The following TMTC2 variants were observed in gnomAD, a reference collection of about 807,000 sequenced individuals.
The protein encoded by TMTC2 is transmembrane O-mannosyltransferase targeting cadherins 2.
Under a neutral mutation model 82.4 loss-of-function variants are expected in TMTC2, and 43 were observed. The ratio of observed to expected loss-of-function variants is 0.52; its 90% CI spans 0.41 to 0.67. The LOEUF (loss-of-function observed/expected upper bound fraction) is 0.67. Ranked by LOEUF, TMTC2 falls within the 30% of genes least tolerant of loss-of-function variation. The probability of loss-of-function intolerance (pLI) is 0.00; values close to 1 mark genes in which losing one functional copy is unlikely to be tolerated. For synonymous variants in TMTC2, 408 were observed against 381.9 expected, an observed-to-expected ratio of 1.07 and a Z score of -0.80; for missense variants, 919 against 1,012.4, an observed-to-expected ratio of 0.91 and a Z score of 1.25.
intron 1 of TMTC2, among the ~76,000 whole-genome samples, chr12:82,832,152 C>T (rs74655538): frequency 0.012 from 1,814 of 152,204 alleles, 39 homozygotes; most frequent in African/African-American, 0.042. Context: ...TTTCTTTTCA[C>T]GGACTCAAAC....
intron 1 of TMTC2, among the ~76,000 whole-genome samples, chr12:82,735,670 G>A (rs1177622689): frequency 1.4e-5 from 2 of 141,978 alleles, no homozygotes; most frequent in African/African-American, 5.0e-5. Flanking sequence ...TTTTAAAGAT[G>A]TATTCATTTA....
At chr12:82,897,826 A>G (rs1416205567) in intron 3 of TMTC2, among the ~76,000 whole-genome samples, 4 of 152,050 alleles carry the variant, frequency 2.6e-5, no homozygotes, top group Non-Finnish European at 5.9e-5. Flanking sequence ...CACCTGGCCT[A>G]TTTTTATTCT....
intron 1 of TMTC2, among the ~76,000 whole-genome samples, chr12:82,789,614 A>C (rs1009527260): frequency 6.6e-6 from 1 of 152,180 alleles, no homozygotes; most frequent in Non-Finnish European, 1.5e-5. Flanking sequence ...ATTCTGATTC[A>C]TGTTCACCTC....
At chr12:82,877,834 A>G (rs1872653448) in intron 2 of TMTC2, among the ~76,000 whole-genome samples, 1 of 152,184 alleles carries the variant, frequency 6.6e-6, no homozygotes. Flanking sequence ...AGTACCCAGT[A>G]GAAGAAAAAA....
At chr12:82,845,226 C>CAAAAAAAAA (rs66859423) in intron 1 of TMTC2, among the ~76,000 whole-genome samples, 2 of 45,562 alleles carry the variant, frequency 4.4e-5, no homozygotes, top group African/African-American at 1.0e-4. Flanking sequence ...GTGACTGTCT[C>CAAAAAAAAA]AAAAAAAAAA....
At chr12:83,056,375 G>C (rs1408184090) in intron 10 of TMTC2, among the ~76,000 whole-genome samples, 1 of 151,722 alleles carries the variant, frequency 6.6e-6, no homozygotes, top group East Asian at 1.9e-4. Flanking sequence ...CATACCAACT[G>C]GTTCTAATTT....
chr12:82,836,121 C>T (rs939253786), intron 1 of TMTC2, among the ~76,000 whole-genome samples: 39 of 149,162 alleles, frequency 2.6e-4, no homozygotes, highest in African/African-American at 9.6e-4. Flanking sequence ...GTTGAAACTT[C>T]GTAATGCCTC....
chr12:82,708,531 A>G (rs1484590007), intron 1 of TMTC2, among the ~76,000 whole-genome samples: 1 of 152,208 alleles, frequency 6.6e-6, no homozygotes, highest in African/African-American at 2.4e-5. Flanking sequence ...GTTTTGTCCC[A>G]ACTAATCCTA....
intron 11 of TMTC2, among the ~76,000 whole-genome samples, chr12:83,110,597 AATTTT>A (rs1884568004): frequency 6.6e-6 from 1 of 152,164 alleles, no homozygotes; most frequent in African/African-American, 2.4e-5. Context: ...TCTCAGTTCT[AATTTT>A]ATTTGTCCTG....
chr12:82,757,134 G>A (rs1340952518), intron 1 of TMTC2, among the ~76,000 whole-genome samples: 1 of 152,122 alleles, frequency 6.6e-6, no homozygotes, highest in Non-Finnish European at 1.5e-5. Flanking sequence ...AAAGTAAGTG[G>A]ATCCTGTTTT....
At chr12:82,870,545 A>G (rs2063182942) in intron 2 of TMTC2, among the ~76,000 whole-genome samples, 1 of 152,196 alleles carries the variant, frequency 6.6e-6, no homozygotes, top group African/African-American at 2.4e-5. Flanking sequence ...CCTTCTTTCA[A>G]TTCTACACAG....
At chr12:83,069,919 A>G (rs551632796) in intron 11 of TMTC2, among the ~76,000 whole-genome samples, 39 of 152,150 alleles carry the variant, frequency 2.6e-4, no homozygotes, top group African/African-American at 8.2e-4. Context: ...CTAGCCAATT[A>G]TCCCAGCACC....
chr12:82,990,952 A>G (rs1308207678), intron 8 of TMTC2, among the ~76,000 whole-genome samples: 1 of 152,204 alleles, frequency 6.6e-6, no homozygotes, highest in Non-Finnish European at 1.5e-5. Context: ...GCATGATTAT[A>G]GAGTGAACAC....
intron 1 of TMTC2, among the ~76,000 whole-genome samples, chr12:82,740,922 C>T (rs529774121): frequency 1.1e-4 from 16 of 152,230 alleles, no homozygotes; most frequent in Non-Finnish European, 2.1e-4. Context: ...CTTCCAAACT[C>T]GAGCACAACA....
At position 82,886,623 on chromosome 12, in the gene TMTC2, C is replaced by G. The variant is rs138905009; in HGVS notation, c.655-9195C>G. On this transcript the variant is annotated intron_variant, in intron 2 of 11. Transcript: ENST00000321196. ...CTGGATATGCCCACTCATTGAACCT[C>G]TTTTAATATTTTTTGCGATACCAAA... Among the ~76,000 whole-genome samples the G allele has an allele frequency of 1.8e-3, 280 of 152,292 alleles. 2 individuals are homozygous for G. In the East Asian group the frequency reaches 0.043, roughly 24 times the overall value.
At chr12:83,046,462 C>A (rs955782317) in intron 9 of TMTC2, among the ~76,000 whole-genome samples, 1 of 152,118 alleles carries the variant, frequency 6.6e-6, no homozygotes, top group African/African-American at 2.4e-5. Flanking sequence ...CCAGGTCATT[C>A]TGTTGTGCTC....
intron 1 of TMTC2, among the ~76,000 whole-genome samples, chr12:82,820,300 C>T (rs1869012471): frequency 6.6e-6 from 1 of 152,112 alleles, no homozygotes; most frequent in East Asian, 1.9e-4. Context: ...TTGCATCCTT[C>T]AATGCAATCA....
At chr12:82,721,139 A>G (rs1443767437) in intron 1 of TMTC2, among the ~76,000 whole-genome samples, 2 of 152,328 alleles carry the variant, frequency 1.3e-5, no homozygotes, top group African/African-American at 2.4e-5. Context: ...GCACACAGTC[A>G]TTGGGTTTAA....
At chr12:82,824,610 A>G (rs890053815) in intron 1 of TMTC2, among the ~76,000 whole-genome samples, 4 of 152,230 alleles carry the variant, frequency 2.6e-5, no homozygotes, top group African/African-American at 9.6e-5. Context: ...TAGGAATTAT[A>G]TGCCTGTAAC....
Sources: allele counts gnomAD v4.1 joint callset (sites outside exome capture counted in the v4.1 genomes callset), GRCh38; gene constraint gnomAD v4.1.1; transcripts MANE v1.5; gene names NCBI Gene and HGNC (gene_info 2026-07-23, HGNC 2026-07-21).